Variants in GALNTL6 observed in about 807,000 individuals in gnomAD.
GALNTL6 encodes the protein polypeptide N-acetylgalactosaminyltransferase like 6, also known as polypeptide N-acetylgalactosaminyltransferase-like 6.
Under a neutral mutation model 73.7 loss-of-function variants are expected in GALNTL6, and 46 were observed. The observed-to-expected ratio is 0.62, with a 90% CI of 0.49 to 0.80. The LOEUF is 0.80. Ranked by LOEUF, GALNTL6 falls within the 30% of genes least tolerant of loss-of-function variation. The pLI is 0.00. For synonymous variants in GALNTL6, 259 were observed against 263.7 expected (o/e 0.98, Z 0.17); for missense variants, 604 against 755.0 (o/e 0.80, Z 2.34).
intron 12 of GALNTL6, among the ~76,000 whole-genome samples, chr4:173,031,381 C>T (rs1753452734): frequency 1.3e-5 from 2 of 152,216 alleles, no homozygotes; most frequent in African/African-American, 4.8e-5. Context: ...TATTTCTACA[C>T]TGTACATTTC....
intron 5 of GALNTL6, among the ~76,000 whole-genome samples, chr4:172,350,809 G>A (rs757968195): frequency 1.3e-5 from 2 of 151,990 alleles, no homozygotes; most frequent in Non-Finnish European, 2.9e-5. Context: ...AGTATTGGTT[G>A]ATGTACATTA....
intron 5 of GALNTL6, among the ~76,000 whole-genome samples, chr4:172,638,412 A>C (rs1022462377): frequency 2.0e-5 from 3 of 152,114 alleles, no homozygotes; most frequent in African/African-American, 7.2e-5. Flanking sequence ...GGGGTGGGGC[A>C]GGGGAGCTAG....
intron 2 of GALNTL6, among the ~76,000 whole-genome samples, chr4:171,845,340 G>A (rs896714424): frequency 6.6e-6 from 1 of 152,120 alleles, no homozygotes; most frequent in Non-Finnish European, 1.5e-5. Flanking sequence ...GTTCTGGACC[G>A]AAAGAAAAAC....
intron 5 of GALNTL6, among the ~76,000 whole-genome samples, chr4:172,419,058 T>A (rs533347122): frequency 6.6e-6 from 1 of 152,276 alleles, no homozygotes; most frequent in Non-Finnish European, 1.5e-5. Context: ...GTTGTTACTA[T>A]TGTATGGATG....
intron 2 of GALNTL6, among the ~76,000 whole-genome samples, chr4:172,064,646 G>T (rs1731304424): frequency 6.6e-6 from 1 of 152,088 alleles, no homozygotes; most frequent in African/African-American, 2.4e-5. Flanking sequence ...GGTGGATATG[G>T]GATTGCCCCC....
intron 2 of GALNTL6, among the ~76,000 whole-genome samples, chr4:172,122,191 C>CT (rs1270940635): frequency 6.6e-6 from 1 of 151,626 alleles, no homozygotes; most frequent in Non-Finnish European, 1.5e-5. Context: ...TACTCACCCA[C>CT]TAGGTAGACT....
chr4:173,036,489 A>C (rs1003879361), intron 12 of GALNTL6, among the ~76,000 whole-genome samples: 2 of 152,216 alleles, frequency 1.3e-5, no homozygotes, highest in African/African-American at 4.8e-5. Context: ...ACACTTGCCA[A>C]GGGTGGACCG....
intron 2 of GALNTL6, among the ~76,000 whole-genome samples, chr4:172,212,640 C>G (rs565226719): frequency 1.4e-4 from 21 of 152,046 alleles, no homozygotes; most frequent in African/African-American, 4.3e-4. Context: ...CTTCATGAAC[C>G]CCTGGCAACC....
In GALNTL6 at chr4:171,945,254, TTGAC is replaced by T. The variant is rs1462402777; in HGVS notation, c.138+130540_138+130543del. On this transcript the variant is annotated intron_variant, in intron 2 of 12. Coordinates refer to ENST00000506823, the MANE Select transcript of GALNTL6 (RefSeq NM_001034845.3). The stretch of plus-strand genomic sequence containing the variant: ...ATTGAAACAGATGCTGGTAATATCA[TTGAC>T]TGAGAATTTGCATTAAAGATGACTC... 5.3e-5 allele frequency among the ~76,000 whole-genome samples: 8 copies of T among 152,232 alleles called. No homozygotes were observed. The East Asian group carries it at 1.5e-3, about 29-fold the overall frequency.
In GALNTL6 at chr4:171,977,512, C is replaced by T. The variant is rs141122435; in HGVS notation, c.138+162794C>T. Among the ~76,000 whole-genome samples the T allele has an allele frequency of 1.8e-3, 272 of 151,218 alleles. 3 individuals are homozygous for T. The highest frequency in any genetic ancestry group is 0.012 in the Admixed American group (189 of 15,192). ...GATGGCTGTCTTCTCTCTGCATCTT[C>T]ACGTGGTTTTTCCTTCTGTATGTGT... On this transcript the variant is annotated intron_variant, in intron 2 of 12. Coordinates refer to ENST00000506823, the MANE Select transcript of GALNTL6 (RefSeq NM_001034845.3).
intron 2 of GALNTL6, among the ~76,000 whole-genome samples, chr4:171,947,140 T>A (rs1429712231): frequency 1.3e-5 from 2 of 152,130 alleles, no homozygotes; most frequent in African/African-American, 4.8e-5. Flanking sequence ...TTTAAATTCT[T>A]ATCCATTATC....
chr4:171,933,453 A>G (rs1484337085), intron 2 of GALNTL6, among the ~76,000 whole-genome samples: 2 of 152,178 alleles, frequency 1.3e-5, no homozygotes, highest in East Asian at 3.8e-4. Context: ...ACTACTTTAC[A>G]AACATAAATA....
In GALNTL6 at chr4:171,875,262, G is replaced by C. The variant is rs1017460507; in HGVS notation, c.138+60544G>C. Among the ~76,000 whole-genome samples, 5 of 152,172 alleles carry C rather than the reference G, an allele frequency of 3.3e-5. No homozygotes were observed. The Middle Eastern group carries it at 9.5e-3, about 289-fold the overall frequency. ...TAAAAGAAGCAAAGGGCTTATTAAG[G>C]AAATAAGAGTAGACTCCAAGAGAGG... On this transcript the variant is annotated intron_variant, in intron 2 of 12. Coordinates refer to ENST00000506823, the MANE Select transcript of GALNTL6 (RefSeq NM_001034845.3).
Position 172,486,580 on chromosome 4 carries a change from A to G in GALNTL6, c.553+137891A>G, listed in dbSNP as rs116798781. ...ATTAGAAACTGTCATTCCACAGACA[A>G]TGTTAGATTGCTTCCAGTTTCAGCC... On this transcript the variant is annotated intron_variant, in intron 5 of 12. Coordinates refer to ENST00000506823, the MANE Select transcript of GALNTL6 (RefSeq NM_001034845.3). Among the ~76,000 whole-genome samples the G allele has an allele frequency of 2.6e-3, 399 of 152,312 alleles. 3 individuals are homozygous for G. Among genetic ancestry groups the G allele is most frequent in the African/African-American group, 8.7e-3 (361 of 41,570 alleles).
chr4:172,511,327 T>G lies in GALNTL6; in HGVS notation c.553+162638T>G, dbSNP rs1483140083. On this transcript the variant is annotated intron_variant, in intron 5 of 12. Coordinates refer to ENST00000506823, the MANE Select transcript of GALNTL6 (RefSeq NM_001034845.3). ...TTTCCAGTTGCGCTTATTTGGATCT[T>G]CTCTTTTCTTTCGTTGGTTAATCTC... Among the ~76,000 whole-genome samples the G allele has an allele frequency of 1.8e-4, 10 of 55,482 alleles. 5 individuals are homozygous for G. Among genetic ancestry groups the G allele is most frequent in the Non-Finnish European group, 4.2e-4 (10 of 23,918 alleles). The allele number at this position is 55,482 out of a possible 152,430, so 36.4% of individuals were successfully genotyped here. A position where few individuals can be genotyped will look rare whatever the true frequency, so the allele number is the denominator to read the frequency against.
intron 11 of GALNTL6, among the ~76,000 whole-genome samples, chr4:173,018,400 G>A (rs530856706): frequency 3.5e-4 from 53 of 152,324 alleles, no homozygotes; most frequent in Admixed American, 2.5e-3. Flanking sequence ...ACAGATAATT[G>A]TGGGTTTTAT....
intron 5 of GALNTL6, among the ~76,000 whole-genome samples, chr4:172,430,715 G>T (rs897506616): frequency 6.6e-6 from 1 of 152,046 alleles, no homozygotes; most frequent in Non-Finnish European, 1.5e-5. Context: ...TGAGGCCAGA[G>T]GTTTGCTTGA....
chr4:171,860,894 A>T (rs1403030844), intron 2 of GALNTL6, among the ~76,000 whole-genome samples: 1 of 152,154 alleles, frequency 6.6e-6, no homozygotes, highest in African/African-American at 2.4e-5. Flanking sequence ...CTGCTGGGTG[A>T]TAACGCCAAT....
chr4:172,491,218 A>T (rs1733881344), intron 5 of GALNTL6, among the ~76,000 whole-genome samples: 1 of 152,152 alleles, frequency 6.6e-6, no homozygotes, highest in Admixed American at 6.6e-5. Context: ...ATCATCATTT[A>T]ATTCAAATTA....
Sources: allele counts gnomAD v4.1 joint callset (sites outside exome capture counted in the v4.1 genomes callset), GRCh38; gene constraint gnomAD v4.1.1; transcripts MANE v1.5; gene names NCBI Gene and HGNC (gene_info 2026-07-23, HGNC 2026-07-21).